ASXL3: variants seen among roughly 807,000 people sequenced by gnomAD.
The protein encoded by ASXL3 is ASXL transcriptional regulator 3, also known as putative Polycomb group protein ASXL3.
ASXL3 carries 34 observed loss-of-function variants against 170.6 expected under a neutral mutation model. That is an observed-to-expected ratio of 0.20 (90% confidence interval 0.15 to 0.27). The LOEUF (loss-of-function observed/expected upper bound fraction) is 0.27, where lower values mean the gene tolerates loss of function less well. Ranked by LOEUF, ASXL3 falls within the 10% of genes least tolerant of loss-of-function variation. The pLI is 1.00. For synonymous variants in ASXL3, 1,002 were observed against 989.1 expected (o/e 1.01, Z -0.24); for missense variants, 2,592 against 2,695.3 (o/e 0.96, Z 0.85).
intron 8 of ASXL3, among the ~76,000 whole-genome samples, chr18:33,689,054 C>T (rs1447023976): frequency 2.6e-5 from 4 of 151,662 alleles, no homozygotes; most frequent in Non-Finnish European, 4.4e-5. Flanking sequence ...AGTGCAGTGG[C>T]GTGATCTCCG....
chr18:33,667,994 G>T (rs2066285198), intron 5 of ASXL3, among the ~76,000 whole-genome samples: 1 of 152,102 alleles, frequency 6.6e-6, no homozygotes, highest in African/African-American at 2.4e-5. Flanking sequence ...AACCACTGTT[G>T]TGCAGATTTT....
At chr18:33,624,868 C>G (rs940143394) in intron 2 of ASXL3, among the ~76,000 whole-genome samples, 6 of 152,154 alleles carry the variant, frequency 3.9e-5, no homozygotes, top group African/African-American at 7.2e-5. Flanking sequence ...ATTTATTGAA[C>G]ATTCATTATA....
At chr18:33,601,785 G>GTATATATATA (rs1555717840) in intron 1 of ASXL3, among the ~76,000 whole-genome samples, 4 of 103,894 alleles carry the variant, frequency 3.9e-5, no homozygotes, top group South Asian at 3.0e-4. Context: ...ATATCTGATT[G>GTATATATATA]TATATATATA....
intron 4 of ASXL3, 58 bp from the exon 5 acceptor site, chr18:33,661,558 C>T (rs1373035812): frequency 4.7e-6 from 7 of 1,499,136 alleles, no homozygotes; most frequent in African/African-American, 1.4e-5. Context: ...TGTGTAATTA[C>T]AGTGGATATA....
intron 7 of ASXL3, among the ~76,000 whole-genome samples, chr18:33,681,014 C>T (rs1255205181): frequency 1.3e-5 from 2 of 151,558 alleles, no homozygotes; most frequent in Non-Finnish European, 2.9e-5. Context: ...TCCATCTATC[C>T]ATTTATTTGG....
chr18:33,682,046 A>G (rs1346527234), intron 7 of ASXL3, among the ~76,000 whole-genome samples: 1 of 152,222 alleles, frequency 6.6e-6, no homozygotes, highest in Admixed American at 6.5e-5. Context: ...ATAATTAAAA[A>G]AAGTCACTCT....
At chr18:33,687,118 T>C (rs1000647003) in intron 8 of ASXL3, among the ~76,000 whole-genome samples, 5 of 152,088 alleles carry the variant, frequency 3.3e-5, no homozygotes, top group African/African-American at 4.8e-5. Context: ...CAACTAGAGA[T>C]TTTTTCTAGA....
chr18:33,657,746 G>T (rs1189119600), intron 4 of ASXL3, among the ~76,000 whole-genome samples: 2 of 151,970 alleles, frequency 1.3e-5, no homozygotes, highest in Admixed American at 1.3e-4. Flanking sequence ...TTTGAGGGAG[G>T]GTTTGGGGAG....
intron 8 of ASXL3, among the ~76,000 whole-genome samples, chr18:33,706,456 TA>T (rs1399650033): frequency 3.3e-5 from 5 of 151,834 alleles, no homozygotes; most frequent in African/African-American, 7.2e-5. Context: ...TCAAAATAAT[TA>T]CACCAGTTCA....
In ASXL3 at chr18:33,733,761, C is replaced by A. The variant is rs2067492961; in HGVS notation, c.977-549C>A. ...AATTGGCCACTCAAAAGATCATAAA[C>A]ATATGGATTTGTATCTCTGTGCCTT... On this transcript the variant is annotated intron_variant, in intron 9 of 11. Transcript: ENST00000269197. Among the ~76,000 whole-genome samples, 4 of 152,124 alleles carry A rather than the reference C, an allele frequency of 2.6e-5. No individual in the cohort carries two copies. The South Asian group carries it at 8.3e-4, about 32-fold the overall frequency.
chr18:33,739,340 G>A lies in ASXL3; in HGVS notation c.1936G>A (p.Glu646Lys). ...AGAATCATGTACTCCAGCCTCCCTT[G>A]AGACAACATTTTGTTCTGAGGTATC... ...SEESCTPASL[E>K]TTFCSEVSST... Residue 646 changes from glutamate to lysine, a missense_variant, in exon 11 of 12, where the codon GAG (glutamate) becomes AAG (lysine). By Grantham distance (56) the Glu-to-Lys change is moderately conservative. Coordinates refer to ENST00000269197, the MANE Select transcript of ASXL3 (RefSeq NM_030632.3). 2 of 1,613,524 alleles carry A rather than the reference G, an allele frequency of 1.2e-6. No homozygotes were observed. Among genetic ancestry groups the A allele is most frequent in the South Asian group, 1.1e-5 (1 of 91,024 alleles).
intron 2 of ASXL3, among the ~76,000 whole-genome samples, chr18:33,638,759 G>C (rs1199816530): frequency 6.6e-6 from 1 of 152,112 alleles, no homozygotes; most frequent in African/African-American, 2.4e-5. Flanking sequence ...TGGGAATCAT[G>C]CCTACATTTT....
At chr18:33,638,821 T>C (rs2065807146) in intron 2 of ASXL3, among the ~76,000 whole-genome samples, 1 of 152,124 alleles carries the variant, frequency 6.6e-6, no homozygotes, top group Non-Finnish European at 1.5e-5. Flanking sequence ...AGGCACATTA[T>C]AGATGCTCAA....
chr18:33,638,146 T>TATAA (rs1555724150), intron 2 of ASXL3, among the ~76,000 whole-genome samples: 1 of 150,364 alleles, frequency 6.7e-6, no homozygotes, highest in Non-Finnish European at 1.5e-5. Context: ...TATATATATA[T>TATAA]AATACACGCA....
Position 33,745,801 on chromosome 18 carries a change from A to G in ASXL3, c.5953A>G (p.Arg1985Gly), listed in dbSNP as rs779244878. 1.9e-6 allele frequency: 3 copies of G among 1,613,990 alleles called. No homozygotes were observed. The South Asian group carries it at 3.3e-5, about 18-fold the overall frequency. The change falls in exon 12 of 12, where the codon AGG becomes GGG. Residue 1985 changes from arginine (R) to glycine (G), a missense_variant. Arg to Gly is a moderately radical substitution (Grantham distance 125). Coordinates refer to ENST00000269197, the MANE Select transcript of ASXL3 (RefSeq NM_030632.3). Reference sequence around the variant, plus strand: ...TCTTTCCTCAGCACCTCACCAGCTAAGGTTAGCCAACATGTTATCCCCCAA... The same window carrying G: ...TCTTTCCTCAGCACCTCACCAGCTAGGGTTAGCCAACATGTTATCCCCCAA... The part of the protein sequence containing the change: ...VSLSSAPHQL[R>G]LANMLSPNMP...
In ASXL3 at chr18:33,746,129, G is replaced by A. The variant is rs1172659745; in HGVS notation, c.6281G>A (p.Cys2094Tyr). The A allele has an allele frequency of 2.5e-6, 4 of 1,613,718 alleles. No individual in the cohort carries two copies. Among genetic ancestry groups the A allele is most frequent in the Non-Finnish European group, 8.5e-7 (1 of 1,179,900 alleles). ...TTTGAGGAAGGTTTAAGCAGCAGCT[G>A]TGAACTGGGCATGAAACAAGTTTCC... is the stretch of plus-strand genomic sequence containing the variant. ...LSFEEGLSSS[C>Y]ELGMKQVSYD... is the part of the protein sequence containing the mutation. Residue 2094 changes from cysteine to tyrosine, a missense_variant, in exon 12 of 12, where the codon TGT becomes TAT. Around this residue, in one of 4 missense-constraint regions of ASXL3, gnomAD observed 2,246 missense variants for 2,219.6 expected, o/e 1.01. Coordinates refer to ENST00000269197, the MANE Select transcript of ASXL3 (RefSeq NM_030632.3).
intron 1 of ASXL3, among the ~76,000 whole-genome samples, chr18:33,583,458 C>G (rs968528443): frequency 2.0e-5 from 3 of 152,172 alleles, no homozygotes; most frequent in African/African-American, 7.2e-5. Flanking sequence ...ATCTATATCT[C>G]ATCACCTTTT....
chr18:33,604,285 G>A (rs961994114), intron 1 of ASXL3, among the ~76,000 whole-genome samples: 22 of 151,916 alleles, frequency 1.4e-4, no homozygotes, highest in South Asian at 4.1e-4. Flanking sequence ...GCAATAGAAC[G>A]TGGGACTATT....
intron 4 of ASXL3, among the ~76,000 whole-genome samples, chr18:33,660,482 C>A (rs190756097): frequency 1.0e-3 from 158 of 152,232 alleles, no homozygotes; most frequent in African/African-American, 3.4e-3. Flanking sequence ...ATTTTTACTT[C>A]TTCACCTTCT....
Sources: allele counts gnomAD v4.1 joint callset (sites outside exome capture counted in the v4.1 genomes callset), GRCh38; gene constraint gnomAD v4.1.1; regional missense constraint gnomAD v4.1.1; transcripts MANE v1.5; gene names NCBI Gene and HGNC (gene_info 2026-07-23, HGNC 2026-07-21).